Variants in KDM4C observed in about 807,000 individuals in gnomAD.
The protein encoded by KDM4C is lysine demethylase 4C.
In KDM4C, 81 loss-of-function variants were observed where a neutral mutation model predicts 129.3. The observed-to-expected ratio is 0.63, with a 90% CI of 0.52 to 0.75. The LOEUF (loss-of-function observed/expected upper bound fraction) is 0.75, where lower values mean the gene tolerates loss of function less well. KDM4C is among the 30% of genes least tolerant of loss of function. KDM4C has a pLI of 0.00. For missense variants in KDM4C, 1,457 were observed against 1,304.0 expected (o/e 1.12, Z -1.81); for synonymous variants, 573 against 456.1 (o/e 1.26, Z -3.26).
At chr9:6,954,506 T>C (rs1828729713) in intron 8 of KDM4C, among the ~76,000 whole-genome samples, 1 of 152,212 alleles carries the variant, frequency 6.6e-6, no homozygotes, top group Non-Finnish European at 1.5e-5. Context: ...ATCTTTTTAT[T>C]TGTCTGTTCA....
intron 8 of KDM4C, among the ~76,000 whole-genome samples, chr9:6,950,858 C>G (rs1276497974): frequency 6.6e-6 from 1 of 152,118 alleles, no homozygotes; most frequent in East Asian, 1.9e-4. Flanking sequence ...AAAGCTGTGG[C>G]TGAGTTAAAA....
intron 11 of KDM4C, among the ~76,000 whole-genome samples, chr9:6,988,783 A>G (rs1435478521): frequency 6.6e-6 from 1 of 151,068 alleles, no homozygotes; most frequent in Non-Finnish European, 1.5e-5. Flanking sequence ...GCTCCCCCAG[A>G]TGCTCCTCCC....
intron 8 of KDM4C, among the ~76,000 whole-genome samples, chr9:6,975,578 A>G (rs1832783070): frequency 6.6e-6 from 1 of 152,140 alleles, no homozygotes; most frequent in African/African-American, 2.4e-5. Context: ...TATTTTTTTA[A>G]GGTTATTTAA....
At chr9:7,164,636 C>T (rs1028675990) in intron 19 of KDM4C, among the ~76,000 whole-genome samples, 1 of 152,188 alleles carries the variant, frequency 6.6e-6, no homozygotes, top group Non-Finnish European at 1.5e-5. Flanking sequence ...GTTTTCCCTT[C>T]TCTGCTTTAT....
intron 4 of KDM4C, among the ~76,000 whole-genome samples, chr9:6,834,179 C>T (rs997154156): frequency 6.0e-5 from 9 of 151,098 alleles, no homozygotes; most frequent in Non-Finnish European, 1.2e-4. Context: ...GCTGGGACTA[C>T]AGGCGTGCGC....
At chr9:7,033,586 C>G (rs1827144969) in intron 15 of KDM4C, among the ~76,000 whole-genome samples, 2 of 152,208 alleles carry the variant, frequency 1.3e-5, no homozygotes, top group African/African-American at 4.8e-5. Flanking sequence ...TGTTAGGGAA[C>G]TGCTGAGTGG....
At chr9:6,825,146 C>CAAAA (rs776343731) in intron 4 of KDM4C, among the ~76,000 whole-genome samples, 7 of 79,874 alleles carry the variant, frequency 8.8e-5, no homozygotes, top group Admixed American at 1.4e-4. Flanking sequence ...AACTCGGTCT[C>CAAAA]AAAAAAAAAA....
At chr9:6,989,170 T>C (rs765216213) in intron 11 of KDM4C, among the ~76,000 whole-genome samples, 34 of 152,230 alleles carry the variant, frequency 2.2e-4, no homozygotes, top group Non-Finnish European at 3.8e-4. Context: ...GTATATTGCA[T>C]TTGTCATTCT....
chr9:7,101,915 GC>G (rs1406347606), intron 17 of KDM4C, among the ~76,000 whole-genome samples: 2 of 152,106 alleles, frequency 1.3e-5, no homozygotes, highest in African/African-American at 4.8e-5. Flanking sequence ...AGGAGTTTTT[GC>G]TTTTGTATCT....
At chr9:6,957,457 C>CT (rs910549825) in intron 8 of KDM4C, among the ~76,000 whole-genome samples, 3 of 152,152 alleles carry the variant, frequency 2.0e-5, no homozygotes, top group African/African-American at 4.8e-5. Flanking sequence ...AGAAACCTGC[C>CT]TTTTGGCCAC....
chr9:7,134,584 G>C (rs1368376529), intron 19 of KDM4C, among the ~76,000 whole-genome samples: 1 of 152,146 alleles, frequency 6.6e-6, no homozygotes, highest in Admixed American at 6.5e-5. Flanking sequence ...TAGTTAGCTT[G>C]AATTCTCCTA....
intron 17 of KDM4C, chr9:7,077,220 G>T: frequency 1.0e-6 from 1 of 985,288 alleles, no homozygotes; most frequent in Non-Finnish European, 1.2e-6. Context: ...CATTCAAGAT[G>T]CAACACCTAC....
intron 17 of KDM4C, among the ~76,000 whole-genome samples, chr9:7,080,303 A>T (rs1364642820): frequency 6.6e-6 from 1 of 152,186 alleles, no homozygotes; most frequent in Non-Finnish European, 1.5e-5. Flanking sequence ...GAGACCCTAG[A>T]GCCCAAATGT....
At chr9:6,971,902 G>C (rs759928184) in intron 8 of KDM4C, among the ~76,000 whole-genome samples, 2 of 152,044 alleles carry the variant, frequency 1.3e-5, no homozygotes, top group East Asian at 3.9e-4. Flanking sequence ...AACATTGCTG[G>C]CATTACTCTA....
intron 8 of KDM4C, among the ~76,000 whole-genome samples, chr9:6,932,913 C>A (rs776004895): frequency 2.6e-5 from 4 of 152,236 alleles, no homozygotes; most frequent in Non-Finnish European, 5.9e-5. Context: ...GAACTCTGCA[C>A]TACTGCACTT....
chr9:7,160,369 C>T (rs765366824), intron 19 of KDM4C, among the ~76,000 whole-genome samples: 16 of 152,154 alleles, frequency 1.1e-4, no homozygotes, highest in African/African-American at 1.9e-4. Flanking sequence ...AGCTTTGTTC[C>T]GTTGCTGGCG....
chr9:7,121,321 C>T (rs1839461524), intron 18 of KDM4C, among the ~76,000 whole-genome samples: 2 of 152,174 alleles, frequency 1.3e-5, no homozygotes, highest in African/African-American at 4.8e-5. Flanking sequence ...TCAGTGTGAT[C>T]TCTCATCTCC....
intron 5 of KDM4C, among the ~76,000 whole-genome samples, chr9:6,850,155 G>A (rs944075893): frequency 6.6e-6 from 1 of 152,162 alleles, no homozygotes; most frequent in African/African-American, 2.4e-5. Context: ...ATTTGTGTAA[G>A]TCCACTCCAT....
intron 8 of KDM4C, among the ~76,000 whole-genome samples, chr9:6,927,479 A>G (rs1822847239): frequency 6.6e-6 from 1 of 152,150 alleles, no homozygotes; most frequent in Non-Finnish European, 1.5e-5. Context: ...TCTATATTTT[A>G]TAATGCTTCT....
Sources: allele counts gnomAD v4.1 joint callset (sites outside exome capture counted in the v4.1 genomes callset), GRCh38; gene constraint gnomAD v4.1.1; transcripts MANE v1.5; gene names NCBI Gene and HGNC (gene_info 2026-07-23, HGNC 2026-07-21).